LRP1B: variants seen among roughly 807,000 people sequenced by gnomAD.
LRP1B encodes LDL receptor related protein 1B.
In LRP1B, 217 loss-of-function variants were observed where a neutral mutation model predicts 556.6. The observed-to-expected ratio is 0.39, with a 90% confidence interval of 0.35 to 0.44. The LOEUF is 0.44. LRP1B is among the 20% of genes least tolerant of loss of function. The pLI is 1.00. For missense variants in LRP1B, 5,053 were observed against 5,620.8 expected (o/e 0.90, Z 3.23); for synonymous variants, 2,047 against 1,865.8 (o/e 1.10, Z -2.50).
At chr2:141,291,728 C>T (rs551933450) in intron 3 of LRP1B, among the ~76,000 whole-genome samples, 67 of 151,732 alleles carry the variant, frequency 4.4e-4, no homozygotes, top group African/African-American at 1.6e-3. Flanking sequence ...TGGTGGCGGG[C>T]ACCTGTAATC....
intron 7 of LRP1B, among the ~76,000 whole-genome samples, chr2:141,107,463 T>C (rs1211981558): frequency 6.6e-6 from 1 of 152,044 alleles, no homozygotes; most frequent in Non-Finnish European, 1.5e-5. Context: ...CTGGCCAACA[T>C]GGTGAAACCC....
chr2:140,762,857 T>C (rs1688974263), intron 35 of LRP1B, among the ~76,000 whole-genome samples: 1 of 152,094 alleles, frequency 6.6e-6, no homozygotes, highest in East Asian at 1.9e-4. Flanking sequence ...AAAAGACAAA[T>C]TGATTAATAC....
chr2:142,067,426 A>T (rs937562207), intron 1 of LRP1B, among the ~76,000 whole-genome samples: 6 of 151,558 alleles, frequency 4.0e-5, no homozygotes, highest in Non-Finnish European at 5.9e-5. Context: ...CAAATCCAAA[A>T]TTTTTTCTAT....
intron 1 of LRP1B, among the ~76,000 whole-genome samples, chr2:141,959,565 G>T (rs1007074216): frequency 6.6e-6 from 1 of 151,784 alleles, no homozygotes. Flanking sequence ...CTCTCCAAAA[G>T]AAATATAATG....
At position 141,006,038 on chromosome 2, in the gene LRP1B, A is replaced by G. The variant is rs148455690; in HGVS notation, c.2381-581T>C. On this transcript the variant is annotated intron_variant, in intron 14 of 90. Transcript: ENST00000389484. Reference sequence around the variant, plus strand: ...CCCAGTGGATCTAAAAAGCAGAGGCACTAACGAGGTATACAACAGACATAA... The same window carrying G: ...CCCAGTGGATCTAAAAAGCAGAGGCGCTAACGAGGTATACAACAGACATAA... 2.0e-3 allele frequency among the ~76,000 whole-genome samples: 307 copies of G among 152,158 alleles called. 1 individual carries two copies. The highest frequency in any genetic ancestry group is 7.1e-3 in the African/African-American group (296 of 41,558).
chr2:140,498,489 A>G (rs1689042802), intron 55 of LRP1B, among the ~76,000 whole-genome samples: 1 of 151,864 alleles, frequency 6.6e-6, no homozygotes, highest in Non-Finnish European at 1.5e-5. Context: ...AGTTAGATAC[A>G]TTCTATTTGT....
intron 3 of LRP1B, among the ~76,000 whole-genome samples, chr2:141,474,050 T>TCCG (rs1298718612): frequency 0.055 from 3,811 of 69,226 alleles, 313 homozygotes; most frequent in African/African-American, 0.16. Flanking sequence ...CTTCCTTTCC[T>TCCG]TCCTTCCTCC....
chr2:141,710,602 C>A (rs1016430892), intron 2 of LRP1B, among the ~76,000 whole-genome samples: 2 of 152,006 alleles, frequency 1.3e-5, no homozygotes, highest in Non-Finnish European at 2.9e-5. Flanking sequence ...CTGGATACTG[C>A]AAAAAGATCT....
chr2:141,802,667 C>T (rs1179109671), intron 2 of LRP1B, among the ~76,000 whole-genome samples: 2 of 151,972 alleles, frequency 1.3e-5, no homozygotes, highest in Non-Finnish European at 2.9e-5. Flanking sequence ...TCTTAGAACA[C>T]GACATCCTTT....
intron 1 of LRP1B, among the ~76,000 whole-genome samples, chr2:141,848,543 C>T (rs1697734243): frequency 1.3e-5 from 2 of 151,408 alleles, no homozygotes; most frequent in Non-Finnish European, 3.0e-5. Context: ...AGGAGAAGTG[C>T]AGCCAAAACT....
chr2:141,912,001 C>G (rs1699918417), intron 1 of LRP1B, among the ~76,000 whole-genome samples: 1 of 152,148 alleles, frequency 6.6e-6, no homozygotes, highest in Admixed American at 6.5e-5. Context: ...TACCTGTACC[C>G]TGATTTAGTC....
intron 7 of LRP1B, among the ~76,000 whole-genome samples, chr2:141,126,200 T>A (rs912632345): frequency 2.6e-5 from 4 of 151,920 alleles, no homozygotes; most frequent in African/African-American, 9.7e-5. Context: ...CCTGACTAAT[T>A]TTTTTGTATT....
chr2:141,175,972 C>A (rs1416603374), intron 7 of LRP1B, among the ~76,000 whole-genome samples: 1 of 152,068 alleles, frequency 6.6e-6, no homozygotes, highest in Non-Finnish European at 1.5e-5. Context: ...TAAGTGACTG[C>A]CCTGTGGGGT....
intron 41 of LRP1B, among the ~76,000 whole-genome samples, chr2:140,605,783 G>A (rs933998847): frequency 4.0e-5 from 6 of 151,356 alleles, no homozygotes; most frequent in Admixed American, 2.0e-4. Flanking sequence ...GTTGAATGAC[G>A]GGCTTATTTG....
chr2:140,649,501 A>T (rs1415973869), intron 41 of LRP1B, among the ~76,000 whole-genome samples: 3 of 152,242 alleles, frequency 2.0e-5, no homozygotes, highest in African/African-American at 7.2e-5. Context: ...ATTGGGGCTG[A>T]TTCTGTAGTT....
chr2:141,675,798 T>G (rs1272754297), intron 2 of LRP1B, among the ~76,000 whole-genome samples: 2 of 151,956 alleles, frequency 1.3e-5, no homozygotes. Context: ...ATTTCTTCAC[T>G]GATTCACTTT....
At chr2:141,111,175 A>C (rs1050129322) in intron 7 of LRP1B, among the ~76,000 whole-genome samples, 1 of 152,208 alleles carries the variant, frequency 6.6e-6, no homozygotes, top group Non-Finnish European at 1.5e-5. Context: ...TAAAAATATC[A>C]AAAATGTCAG....
At chr2:141,071,754 A>T (rs10928091) in intron 7 of LRP1B, among the ~76,000 whole-genome samples, 87,883 of 151,870 alleles carry the variant, frequency 0.58, 25,702 homozygotes, top group Non-Finnish European at 0.62. Context: ...CCCATTCACA[A>T]TTGCTTCAAA....
At chr2:140,496,733 T>C (rs1688960290) in intron 55 of LRP1B, among the ~76,000 whole-genome samples, 1 of 151,976 alleles carries the variant, frequency 6.6e-6, no homozygotes, top group Non-Finnish European at 1.5e-5. Context: ...AATGAACCTA[T>C]ACTTGGCCAG....
Sources: allele counts gnomAD v4.1 joint callset (sites outside exome capture counted in the v4.1 genomes callset), GRCh38; gene constraint gnomAD v4.1.1; transcripts MANE v1.5; gene names NCBI Gene and HGNC (gene_info 2026-07-23, HGNC 2026-07-21).